MINDY3: variants seen among roughly 807,000 people sequenced by gnomAD.
MINDY3 encodes MINDY lysine 48 deubiquitinase 3.
Under a neutral mutation model 69.2 loss-of-function variants are expected in MINDY3, and 38 were observed. The ratio of observed to expected loss-of-function variants is 0.55; its 90% CI spans 0.42 to 0.72. MINDY3 has a LOEUF of 0.72. MINDY3 is among the 30% of genes least tolerant of loss of function. The pLI, the probability that MINDY3 is intolerant of heterozygous loss-of-function variation, is 0.00. For missense variants in MINDY3, 522 were observed against 519.0 expected (o/e 1.01, Z -0.06); for synonymous variants, 192 against 180.1 (o/e 1.07, Z -0.53).
chr10:15,852,996 A>T (rs1405730794), intron 1 of MINDY3, among the ~76,000 whole-genome samples: 1 of 152,074 alleles, frequency 6.6e-6, no homozygotes, highest in Non-Finnish European at 1.5e-5. Context: ...AGTGTAGGGG[A>T]AGTCGTGTGT....
chr10:15,821,172 T>C (rs535321521), intron 9 of MINDY3, among the ~76,000 whole-genome samples: 162 of 152,334 alleles, frequency 1.1e-3, no homozygotes, highest in African/African-American at 3.8e-3. Flanking sequence ...AAGAGTTTAA[T>C]GTTGTAAAAT....
At chr10:15,854,764 T>C (rs1834573482) in intron 1 of MINDY3, among the ~76,000 whole-genome samples, 1 of 152,024 alleles carries the variant, frequency 6.6e-6, no homozygotes, top group Admixed American at 6.6e-5. Flanking sequence ...TCTCCAGCAA[T>C]ACACAGCAGC....
At chr10:15,821,073 A>G (rs1839724977) in intron 9 of MINDY3, among the ~76,000 whole-genome samples, 1 of 152,208 alleles carries the variant, frequency 6.6e-6, no homozygotes, top group Non-Finnish European at 1.5e-5. Context: ...TACCCATTTC[A>G]GGTTGTTTCA....
intron 10 of MINDY3, among the ~76,000 whole-genome samples, chr10:15,809,322 T>C (rs1838842759): frequency 6.6e-6 from 1 of 152,224 alleles, no homozygotes; most frequent in Admixed American, 6.5e-5. Flanking sequence ...TAATAAGAGC[T>C]AGTTTTTTCT....
chr10:15,779,163 C>G, intron 14 of MINDY3, 22 bp from the exon 15 acceptor site: 1 of 1,605,418 alleles, frequency 6.2e-7, no homozygotes, highest in Non-Finnish European at 8.5e-7. Flanking sequence ...AATAAAGCCA[C>G]CAAGGTCAAG....
intron 10 of MINDY3, among the ~76,000 whole-genome samples, chr10:15,797,029 C>T (rs1210307065): frequency 6.6e-6 from 1 of 152,052 alleles, no homozygotes; most frequent in Non-Finnish European, 1.5e-5. Context: ...CTTCCTACTA[C>T]CTTGAATCCT....
At chr10:15,827,316 C>T (rs997455645) in intron 8 of MINDY3, among the ~76,000 whole-genome samples, 3 of 151,678 alleles carry the variant, frequency 2.0e-5, no homozygotes, top group Non-Finnish European at 2.9e-5. Context: ...CCGAGGTTGA[C>T]GGATCACCTG....
chr10:15,842,599 G>A (rs1449210282), intron 3 of MINDY3, among the ~76,000 whole-genome samples: 1 of 151,772 alleles, frequency 6.6e-6, no homozygotes, highest in Non-Finnish European at 1.5e-5. Context: ...TACATCCTTA[G>A]ATACAAAACT....
intron 6 of MINDY3, among the ~76,000 whole-genome samples, chr10:15,836,656 T>C (rs1456140702): frequency 6.6e-6 from 1 of 151,240 alleles, no homozygotes; most frequent in South Asian, 2.1e-4. Context: ...TAAATAGCTA[T>C]ATAAAGGTAA....
intron 1 of MINDY3, among the ~76,000 whole-genome samples, chr10:15,848,633 CAAAAAAAA>C (rs10719399): frequency 4.1e-4 from 20 of 48,802 alleles, no homozygotes; most frequent in Admixed American, 1.4e-3. Context: ...GACTTCATCT[CAAAAAAAA>C]AAAAAAAAAA....
chr10:15,843,370 T>C (rs1833612998), intron 2 of MINDY3, 98 bp from the exon 3 acceptor site: 2 of 959,868 alleles, frequency 2.1e-6, no homozygotes, highest in Non-Finnish European at 1.7e-6. Context: ...TGTACTCCCT[T>C]TCTAATCTTT....
chr10:15,833,569 A>G, intron 8 of MINDY3, 61 bp downstream of exon 8: 1 of 1,039,266 alleles, frequency 9.6e-7, no homozygotes, highest in Non-Finnish European at 1.5e-6. Flanking sequence ...AATAATAATC[A>G]GCTGTATTCC....
At chr10:15,851,349 C>G (rs1834282876) in intron 1 of MINDY3, among the ~76,000 whole-genome samples, 1 of 152,044 alleles carries the variant, frequency 6.6e-6, no homozygotes, top group Non-Finnish European at 1.5e-5. Flanking sequence ...AGTCTAAGTC[C>G]CTTAACATGG....
intron 1 of MINDY3, among the ~76,000 whole-genome samples, chr10:15,855,990 C>T (rs192862275): frequency 2.6e-5 from 4 of 151,840 alleles, no homozygotes; most frequent in African/African-American, 7.2e-5. Flanking sequence ...TTACCAATTA[C>T]GAATTAAGAA....
At chr10:15,794,090 G>A (rs1321208820) in intron 11 of MINDY3, among the ~76,000 whole-genome samples, 1 of 152,016 alleles carries the variant, frequency 6.6e-6, no homozygotes, top group Non-Finnish European at 1.5e-5. Flanking sequence ...AGCTAAAAGT[G>A]AGATAAAGAT....
At chr10:15,780,395 C>T (rs946793316) in intron 14 of MINDY3, among the ~76,000 whole-genome samples, 1 of 152,004 alleles carries the variant, frequency 6.6e-6, no homozygotes, top group East Asian at 1.9e-4. Flanking sequence ...GCTTTTCAGT[C>T]CCCAAAGCAA....
At chr10:15,800,669 G>A (rs902882838) in intron 10 of MINDY3, among the ~76,000 whole-genome samples, 2 of 152,104 alleles carry the variant, frequency 1.3e-5, no homozygotes, top group African/African-American at 4.8e-5. Flanking sequence ...AAGTCAGGAC[G>A]TAAGAAAAAG....
At chr10:15,786,533 A>AATGAATAT in intron 13 of MINDY3, 28 bp downstream of exon 13, 1 of 1,265,770 alleles carries the variant, frequency 7.9e-7, no homozygotes, top group Non-Finnish European at 1.1e-6. Context: ...ACAGAATAAC[A>AATGAATAT]ATGAATATAT....
In MINDY3 at chr10:15,785,957, G is replaced by A. The variant is rs1057092822; in HGVS notation, c.1116+604C>T. On this transcript the variant is annotated intron_variant, in intron 13 of 14. Transcript: ENST00000277632. ...ATCTAGTTAAGTAATTTGATTTAGT[G>A]GTAAAATGCTTCACTTAGAGAACAA... 7.2e-5 allele frequency among the ~76,000 whole-genome samples: 11 copies of A among 152,168 alleles called. No individual in the cohort carries two copies. In the East Asian group the frequency reaches 2.1e-3, roughly 29 times the overall value.
Sources: gnomAD v4.1 joint callset for allele counts (sites outside exome capture counted in the v4.1 genomes callset) on GRCh38, gnomAD v4.1.1 for gene constraint, MANE v1.5 for transcripts, NCBI Gene and HGNC (gene_info 2026-07-23, HGNC 2026-07-21) for gene names.